SOX5: variants seen among roughly 807,000 people sequenced by gnomAD.
SOX5 encodes the protein transcription factor SOX-5.
Under a neutral mutation model 92.0 loss-of-function variants are expected in SOX5, and 9 were observed. The ratio of observed to expected loss-of-function variants is 0.10; its 90% CI spans 0.06 to 0.17. SOX5 has a LOEUF of 0.17. Ranked by LOEUF, SOX5 falls within the 10% of genes least tolerant of loss-of-function variation. SOX5 has a pLI of 1.00. For missense variants in SOX5, 642 were observed against 944.5 expected, an observed-to-expected ratio of 0.68 and a Z score of 4.20; for synonymous variants, 344 against 336.3, an observed-to-expected ratio of 1.02 and a Z score of -0.25.
chr12:23,981,543 C>G (rs1056018278), intron 4 of SOX5, among the ~76,000 whole-genome samples: 3 of 152,060 alleles, frequency 2.0e-5, no homozygotes, highest in Admixed American at 2.0e-4. Context: ...CATTTTTTCA[C>G]TATAGATTAC....
chr12:24,185,494 T>TC lies in SOX5; in HGVS notation c.-2+27848dup, dbSNP rs749126073. Among the ~76,000 whole-genome samples, 118 of 152,130 alleles carry TC rather than the reference T, an allele frequency of 7.8e-4. 1 individual carries two copies. Among genetic ancestry groups the TC allele is most frequent in the Non-Finnish European group, 1.9e-4 (13 of 67,994 alleles). ...TGTCACTATTTATTTAGTATATTTC[T>TC]CCCCCACTAGCCTGAACATTCTAGA... On this transcript the variant is annotated intron_variant, in intron 4 of 4. Transcript: ENST00000446891.
intron 3 of SOX5, among the ~76,000 whole-genome samples, chr12:24,261,151 G>A (rs868438690): frequency 8.0e-5 from 12 of 149,698 alleles, no homozygotes; most frequent in Admixed American, 2.7e-4. Context: ...AAAAGAATAA[G>A]AAATACTAAA....
intron 2 of SOX5, among the ~76,000 whole-genome samples, chr12:23,892,223 CA>C (rs1274742706): frequency 6.6e-6 from 1 of 152,006 alleles, no homozygotes; most frequent in African/African-American, 2.4e-5. Context: ...AGCATCTAAC[CA>C]AAAGCAATTT....
chr12:24,452,106 A>G (rs915095932), intron 1 of SOX5, among the ~76,000 whole-genome samples: 9 of 152,194 alleles, frequency 5.9e-5, no homozygotes, highest in Non-Finnish European at 1.3e-4. Context: ...ATAAGGCTCA[A>G]TTAATAGATT....
chr12:23,679,793 A>G (rs995862721), intron 6 of SOX5, among the ~76,000 whole-genome samples: 3 of 152,238 alleles, frequency 2.0e-5, no homozygotes, highest in Admixed American at 1.3e-4. Flanking sequence ...ATTTAAATTT[A>G]ACAAATATTT....
chr12:23,838,943 G>A (rs1237994161), intron 3 of SOX5, among the ~76,000 whole-genome samples: 7 of 150,206 alleles, frequency 4.7e-5, no homozygotes, highest in Admixed American at 6.7e-5. Context: ...GGGTTCAAGC[G>A]ATTCTCCTAC....
intron 2 of SOX5, among the ~76,000 whole-genome samples, chr12:23,878,021 A>G (rs2096947615): frequency 6.6e-6 from 1 of 152,028 alleles, no homozygotes. Flanking sequence ...TAAATACTTA[A>G]TTCTTTTTTC....
chr12:24,224,319 GAC>G (rs533034367), intron 3 of SOX5, among the ~76,000 whole-genome samples: 1 of 151,898 alleles, frequency 6.6e-6, no homozygotes, highest in Non-Finnish European at 1.5e-5. Context: ...TTCGGAAGCT[GAC>G]ACAGTTTTTT....
intron 3 of SOX5, among the ~76,000 whole-genome samples, chr12:23,820,968 A>G (rs376315133): frequency 4.2e-4 from 64 of 152,256 alleles, no homozygotes; most frequent in East Asian, 3.7e-3. Flanking sequence ...AAGAAAGTCA[A>G]TGGTAGCTTG....
rs182028143 is a variant in SOX5 at position 24,011,265 on chromosome 12, G to A, written c.-1-115241C>T. ...CTTGTCTTACAAATAATTCACATGCGCACATGCATACACACTCATACACAC... is the reference window on the plus strand; with the variant it reads ...CTTGTCTTACAAATAATTCACATGCACACATGCATACACACTCATACACAC... On this transcript the variant is annotated intron_variant, in intron 4 of 4. Transcript: ENST00000446891. Among the ~76,000 whole-genome samples the A allele has an allele frequency of 4.0e-4, 61 of 151,984 alleles. No homozygotes were observed. The South Asian group carries it at 6.0e-3, about 15-fold the overall frequency.
intron 3 of SOX5, among the ~76,000 whole-genome samples, chr12:23,828,624 C>T (rs2096268778): frequency 6.6e-6 from 1 of 151,944 alleles, no homozygotes; most frequent in Non-Finnish European, 1.5e-5. Context: ...GAAACAATCA[C>T]AGTAGAAGTG....
intron 2 of SOX5, among the ~76,000 whole-genome samples, chr12:23,880,021 A>G (rs2096970122): frequency 6.6e-6 from 1 of 152,218 alleles, no homozygotes; most frequent in Non-Finnish European, 1.5e-5. Flanking sequence ...ACTGCAAGTC[A>G]GTTGCCAGAT....
At position 23,759,545 on chromosome 12, in the gene SOX5, G is replaced by A. The variant is rs117967602; in HGVS notation, c.482-3821C>T. Among the ~76,000 whole-genome samples the A allele has an allele frequency of 3.0e-4, 46 of 152,090 alleles. 1 individual carries two copies. In the East Asian group the frequency reaches 8.7e-3, roughly 29 times the overall value. On this transcript the variant is annotated intron_variant, in intron 3 of 14. Coordinates refer to ENST00000451604, the MANE Select transcript of SOX5 (RefSeq NM_006940.6). The stretch of plus-strand genomic sequence containing the variant: ...ACTCTACTAACTGCTAGTTTCCACT[G>A]GTAGTTCTTGAAATAACAGTAAGAA...
At chr12:23,550,429 T>G (rs1252458838) in intron 11 of SOX5, among the ~76,000 whole-genome samples, 1 of 151,918 alleles carries the variant, frequency 6.6e-6, no homozygotes, top group Non-Finnish European at 1.5e-5. Flanking sequence ...AGTTTGAAAA[T>G]TTTAAGATAG....
chr12:24,138,951 A>G (rs1007642865), intron 4 of SOX5, among the ~76,000 whole-genome samples: 8 of 152,120 alleles, frequency 5.3e-5, no homozygotes, highest in African/African-American at 1.9e-4. Flanking sequence ...CAAGGCTAAA[A>G]TGTCAGAAGC....
At chr12:24,276,439 A>T (rs1944441635) in intron 3 of SOX5, among the ~76,000 whole-genome samples, 1 of 152,182 alleles carries the variant, frequency 6.6e-6, no homozygotes, top group Non-Finnish European at 1.5e-5. Context: ...ATTATGCAAG[A>T]TGAACAGTGT....
chr12:23,789,353 GT>G, intron 3 of SOX5, among the ~76,000 whole-genome samples: 1 of 152,024 alleles, frequency 6.6e-6, no homozygotes, highest in Middle Eastern at 3.4e-3. Context: ...AGGAACATGC[GT>G]TTTTTTCCCA....
At chr12:23,545,420 C>T (rs190300056) in intron 12 of SOX5, among the ~76,000 whole-genome samples, 30 of 152,260 alleles carry the variant, frequency 2.0e-4, no homozygotes, top group African/African-American at 7.0e-4. Context: ...CTTTGCTACG[C>T]TATTAAAAAT....
chr12:23,866,452 C>A (rs2096815250), intron 2 of SOX5, among the ~76,000 whole-genome samples: 1 of 152,140 alleles, frequency 6.6e-6, no homozygotes, highest in Admixed American at 6.5e-5. Flanking sequence ...TAGGAGTAAG[C>A]CTCTGTCACT....
Sources: allele counts gnomAD v4.1 joint callset (sites outside exome capture counted in the v4.1 genomes callset), GRCh38; gene constraint gnomAD v4.1.1; transcripts MANE v1.5; gene names NCBI Gene and HGNC (gene_info 2026-07-23, HGNC 2026-07-21).